The following CCDC178 variants were observed in gnomAD, a reference collection of about 807,000 sequenced individuals.
The protein encoded by CCDC178 is coiled-coil domain containing 178, also known as coiled-coil domain-containing protein 178.
CCDC178 carries 126 observed loss-of-function variants against 117.4 expected under a neutral mutation model. The ratio of observed to expected loss-of-function variants is 1.07; its 90% confidence interval spans 0.93 to 1.24. The LOEUF is 1.24. Ranked by LOEUF, CCDC178 falls within the 50% of genes most tolerant of loss-of-function variation. CCDC178 has a pLI of 0.00. For synonymous variants in CCDC178, 283 were observed against 313.4 expected, an observed-to-expected ratio of 0.90 and a Z score of 1.02; for missense variants, 1,030 against 986.9, an observed-to-expected ratio of 1.04 and a Z score of -0.59.
At chr18:33,273,202 G>A (rs1032015485) in intron 12 of CCDC178, among the ~76,000 whole-genome samples, 5 of 151,362 alleles carry the variant, frequency 3.3e-5, no homozygotes, top group African/African-American at 1.2e-4. Flanking sequence ...CAACTTGCAG[G>A]ATACAAAGAC....
intron 5 of CCDC178, among the ~76,000 whole-genome samples, chr18:33,383,614 A>G (rs2063462565): frequency 6.6e-6 from 1 of 152,166 alleles, no homozygotes; most frequent in African/African-American, 2.4e-5. Flanking sequence ...GCAGACCTGC[A>G]TAAGAGGGGC....
chr18:33,017,310 C>T (rs1311216669), intron 21 of CCDC178, among the ~76,000 whole-genome samples: 1 of 151,826 alleles, frequency 6.6e-6, no homozygotes, highest in Admixed American at 6.6e-5. Context: ...ACACTATCAA[C>T]AAATAATCCC....
At chr18:33,051,233 C>A (rs954288768) in intron 21 of CCDC178, among the ~76,000 whole-genome samples, 3 of 151,874 alleles carry the variant, frequency 2.0e-5, no homozygotes, top group Non-Finnish European at 4.4e-5. Flanking sequence ...GTTTTCACCC[C>A]TTACATTCAT....
chr18:33,327,111 G>A (rs935204814), intron 10 of CCDC178, among the ~76,000 whole-genome samples: 2 of 152,044 alleles, frequency 1.3e-5, no homozygotes, highest in African/African-American at 2.4e-5. Context: ...AACAAAACTC[G>A]ATATTACATT....
intron 20 of CCDC178, among the ~76,000 whole-genome samples, chr18:33,155,017 C>T (rs2058378683): frequency 6.6e-6 from 1 of 152,044 alleles, no homozygotes; most frequent in Admixed American, 6.6e-5. Flanking sequence ...GAACAATTAT[C>T]TTAACATAAT....
rs1010074915 is a variant in CCDC178, at chr18:33,216,098, TA to T, written c.1933-404del. 2.0e-5 allele frequency among the ~76,000 whole-genome samples: 3 copies of T among 151,856 alleles called. No individual in the cohort carries two copies. The South Asian group carries it at 6.2e-4, about 32-fold the overall frequency. On this transcript the variant is annotated intron_variant, in intron 18 of 22. Transcript: ENST00000383096. ...AGATGACAGAGTGAGACCCTGTCTC[TA>T]AAAAAACAACTGAGGTTTATATTCT...
chr18:33,403,894 G>C (rs1239934889), intron 3 of CCDC178, among the ~76,000 whole-genome samples: 1 of 152,108 alleles, frequency 6.6e-6, no homozygotes, highest in Non-Finnish European at 1.5e-5. Context: ...TGTTCTCACA[G>C]TTGAAATTTG....
At chr18:33,367,023 G>C (rs368055002) in intron 6 of CCDC178, among the ~76,000 whole-genome samples, 2 of 151,994 alleles carry the variant, frequency 1.3e-5, no homozygotes, top group East Asian at 1.9e-4. Context: ...AGACATTCTG[G>C]AGGAAAAATG....
At chr18:33,133,933 G>C (rs1036630629) in intron 20 of CCDC178, among the ~76,000 whole-genome samples, 16 of 152,048 alleles carry the variant, frequency 1.1e-4, no homozygotes, top group Non-Finnish European at 2.1e-4. Flanking sequence ...TTCTGGAAAA[G>C]AGTAGTTCAT....
intron 20 of CCDC178, among the ~76,000 whole-genome samples, chr18:33,197,227 C>T (rs1291415582): frequency 2.0e-5 from 3 of 152,078 alleles, no homozygotes; most frequent in Admixed American, 1.3e-4. Flanking sequence ...TGAGGGTTCA[C>T]TATGTTGCTT....
At chr18:33,176,121 G>T (rs2144450013) in intron 20 of CCDC178, among the ~76,000 whole-genome samples, 1 of 152,010 alleles carries the variant, frequency 6.6e-6, no homozygotes, top group African/African-American at 2.4e-5. Context: ...ATGCCATCCA[G>T]GTATAACACC....
chr18:33,143,623 T>C (rs1381612703), intron 20 of CCDC178, among the ~76,000 whole-genome samples: 1 of 152,116 alleles, frequency 6.6e-6, no homozygotes, highest in East Asian at 1.9e-4. Context: ...ATAGAGATAC[T>C]TGAAGTGGGT....
intron 20 of CCDC178, among the ~76,000 whole-genome samples, chr18:33,104,179 G>T (rs1019999455): frequency 1.3e-5 from 2 of 151,670 alleles, no homozygotes; most frequent in African/African-American, 2.4e-5. Flanking sequence ...TAAGTAAATG[G>T]ATATCTAGAT....
chr18:33,440,290 A>ACTGGGGGC, intron 1 of CCDC178, among the ~76,000 whole-genome samples: 1 of 32,396 alleles, frequency 3.1e-5, no homozygotes, highest in African/African-American at 1.2e-4. Flanking sequence ...GGCAGTGGGG[A>ACTGGGGGC]CTGGGGGACT....
intron 21 of CCDC178, among the ~76,000 whole-genome samples, chr18:33,024,059 C>T (rs181745384): frequency 6.6e-6 from 1 of 152,272 alleles, no homozygotes; most frequent in East Asian, 1.9e-4. Context: ...AACAGGTCAT[C>T]TAAACAAGCA....
intron 21 of CCDC178, among the ~76,000 whole-genome samples, chr18:33,008,219 T>C (rs940042642): frequency 1.3e-5 from 2 of 152,138 alleles, no homozygotes; most frequent in African/African-American, 2.4e-5. Context: ...CCTTCCATTA[T>C]AGTGCAGGTT....
chr18:33,184,372 G>A (rs900217918), intron 20 of CCDC178, among the ~76,000 whole-genome samples: 3 of 151,964 alleles, frequency 2.0e-5, no homozygotes, highest in Non-Finnish European at 2.9e-5. Context: ...ACAAAGTAAC[G>A]GCTACTTACA....
intron 3 of CCDC178, among the ~76,000 whole-genome samples, chr18:33,406,880 A>G (rs2063788657): frequency 6.6e-6 from 1 of 152,186 alleles, no homozygotes; most frequent in South Asian, 2.1e-4. Flanking sequence ...TGTTAACTGG[A>G]GAGTTCTTAT....
chr18:33,070,734 T>C (rs1275454329), intron 21 of CCDC178, among the ~76,000 whole-genome samples: 1 of 152,098 alleles, frequency 6.6e-6, no homozygotes, highest in African/African-American at 2.4e-5. Context: ...CTTGATTTTA[T>C]CATTACACAC....
Sources: allele counts gnomAD v4.1 joint callset (sites outside exome capture counted in the v4.1 genomes callset), GRCh38; gene constraint gnomAD v4.1.1; transcripts MANE v1.5; gene names NCBI Gene and HGNC (gene_info 2026-07-23, HGNC 2026-07-21).